The following LMO7 variants were observed in gnomAD, a reference collection of about 807,000 sequenced individuals.
The protein encoded by LMO7 is LIM domain 7.
A neutral mutation model predicts 206.5 loss-of-function variants in LMO7; 120 were observed. The ratio of observed to expected loss-of-function variants is 0.58; its 90% CI spans 0.50 to 0.68. The LOEUF (loss-of-function observed/expected upper bound fraction) is 0.68. Ranked by LOEUF, LMO7 falls within the 30% of genes least tolerant of loss-of-function variation. The probability of loss-of-function intolerance (pLI) is 0.00; values close to 1 mark genes in which losing one functional copy is unlikely to be tolerated. For synonymous variants in LMO7, 706 were observed against 681.5 expected, an observed-to-expected ratio of 1.04 and a Z score of -0.56; for missense variants, 1,959 against 1,957.9, an observed-to-expected ratio of 1.00 and a Z score of -0.01.
At chr13:75,848,431 T>TTATCTATCTATCTATCTATCTATC (rs139984746) in intron 26 of LMO7, among the ~76,000 whole-genome samples, 4 of 150,520 alleles carry the variant, frequency 2.7e-5, no homozygotes, top group Non-Finnish European at 4.4e-5. Flanking sequence ...TTCCATGCGA[T>TTATCTATCTATCTATCTATCTATC]TATCTATCTA....
intron 3 of LMO7, among the ~76,000 whole-genome samples, chr13:75,756,674 G>T (rs2047705064): frequency 6.6e-6 from 1 of 152,134 alleles, no homozygotes; most frequent in Non-Finnish European, 1.5e-5. Flanking sequence ...CTTAACACCT[G>T]TCACTCTATT....
At chr13:75,692,119 G>A (rs1213175849) in intron 1 of LMO7, among the ~76,000 whole-genome samples, 1 of 152,182 alleles carries the variant, frequency 6.6e-6, no homozygotes, top group East Asian at 1.9e-4. Flanking sequence ...GTCTGCACAA[G>A]CTGATACTAA....
At chr13:75,735,947 G>T (rs2045785216) in intron 3 of LMO7, among the ~76,000 whole-genome samples, 1 of 151,750 alleles carries the variant, frequency 6.6e-6, no homozygotes, top group South Asian at 2.1e-4. Flanking sequence ...GTCATTTCTT[G>T]GATCAATTAC....
At chr13:75,767,624 G>A (rs2049071815) in intron 4 of LMO7, among the ~76,000 whole-genome samples, 1 of 151,950 alleles carries the variant, frequency 6.6e-6, no homozygotes. Flanking sequence ...GAAAAACACT[G>A]GAAGGATCTG....
Position 75,807,616 on chromosome 13 carries a change from A to G in LMO7, c.1333A>G (p.Arg445Gly). 5 of 1,613,996 alleles carry G rather than the reference A, an allele frequency of 3.1e-6. No homozygotes were observed. The highest frequency in any genetic ancestry group is 4.2e-6 in the Non-Finnish European group (5 of 1,179,874). ...GAATCTCTCTTATGCACCAGGCTAT[A>G]GAAGAGATGACCTCGAGATGGCAGC... ...RKNLSYAPGY[R>G]RDDLEMAALD... The change falls in exon 10 of 31, where the codon AGA (arginine) becomes GGA (glycine). Residue 445 changes from arginine (R) to glycine (G), a missense_variant. Physicochemically the swap from Arg to Gly is moderately radical, Grantham distance 125. Transcript: ENST00000377534.
intron 19 of LMO7, among the ~76,000 whole-genome samples, chr13:75,836,788 C>G (rs112122757): frequency 6.6e-6 from 1 of 152,274 alleles, no homozygotes; most frequent in African/African-American, 2.4e-5. Flanking sequence ...CTTAGTTAAG[C>G]ATGAAACTAT....
chr13:75,672,890 T>C (rs1334885165), intron 1 of LMO7, among the ~76,000 whole-genome samples: 1 of 152,046 alleles, frequency 6.6e-6, no homozygotes, highest in African/African-American at 2.4e-5. Context: ...CTTATAGAAA[T>C]TGGCTCTTTG....
rs770333253 is a variant in LMO7 at position 75,807,506 on chromosome 13, A to G, written c.1223A>G (p.Gln408Arg). Residue 408 changes from glutamine (Q) to arginine (R), a missense_variant, in exon 10 of 31, where the codon CAA becomes CGA. Physicochemically the swap from Gln to Arg is conservative, Grantham distance 43. Coordinates refer to ENST00000377534, the MANE Select transcript of LMO7 (RefSeq NM_001306080.2). ...FSQFLLLQAL[Q>R]TYSDDILSSE... ...CAGTTTTTACTGCTTCAGGCCCTCCAAACATACTCTGATGACATCTTGTCT... is the reference window on the plus strand; with the variant it reads ...CAGTTTTTACTGCTTCAGGCCCTCCGAACATACTCTGATGACATCTTGTCT... 1 of 1,613,664 alleles carries G rather than the reference A, an allele frequency of 6.2e-7. No individual in the cohort carries two copies. The highest frequency in any genetic ancestry group is 8.5e-7 in the Non-Finnish European group (1 of 1,179,850).
intron 3 of LMO7, among the ~76,000 whole-genome samples, chr13:75,730,760 G>A (rs1316045004): frequency 7.8e-6 from 1 of 128,744 alleles, no homozygotes; most frequent in Non-Finnish European, 1.6e-5. Context: ...TCTCTTGTGG[G>A]CATTTAGTGC....
chr13:75,728,417 G>A (rs2044707144), intron 3 of LMO7, among the ~76,000 whole-genome samples: 1 of 152,082 alleles, frequency 6.6e-6, no homozygotes, highest in Non-Finnish European at 1.5e-5. Flanking sequence ...CTGCATAAAT[G>A]TCTTCTTTTG....
chr13:75,812,061 A>G (rs2056458944), intron 11 of LMO7, among the ~76,000 whole-genome samples: 1 of 152,166 alleles, frequency 6.6e-6, no homozygotes, highest in South Asian at 2.1e-4. Flanking sequence ...CCCAGGAGAC[A>G]TTTGGCAATG....
rs554241262 is a variant in LMO7, at chr13:75,732,601, G to A, written c.210+5503G>A. On this transcript the variant is annotated intron_variant, in intron 3 of 30. Coordinates refer to ENST00000377534, the MANE Select transcript of LMO7 (RefSeq NM_001306080.2). ...TCCTGTAGCTCGGAGTAGTTTGATT[G>A]TCTGAAGCCTTCTTCTCTCAACTCG... Among the ~76,000 whole-genome samples, 4 of 152,220 alleles carry A rather than the reference G, an allele frequency of 2.6e-5. No homozygotes were observed. In the South Asian group the frequency reaches 8.3e-4, roughly 32 times the overall value.
intron 4 of LMO7, among the ~76,000 whole-genome samples, chr13:75,784,666 A>G (rs1156948472): frequency 1.3e-5 from 2 of 152,158 alleles, no homozygotes. Context: ...TTTACAGAGA[A>G]CTTCCATGTA....
At chr13:75,733,296 A>G (rs1169159195) in intron 3 of LMO7, among the ~76,000 whole-genome samples, 1 of 152,122 alleles carries the variant, frequency 6.6e-6, no homozygotes, top group Admixed American at 6.5e-5. Context: ...GAGCTTCCCA[A>G]CTGCTTTGTT....
intron 6 of LMO7, among the ~76,000 whole-genome samples, chr13:75,799,226 T>G (rs2054424649): frequency 6.6e-6 from 1 of 152,248 alleles, no homozygotes; most frequent in Admixed American, 6.5e-5. Context: ...ATCAAAAGTA[T>G]GCCTGAGACA....
chr13:75,771,434 CT>C (rs1373144250), intron 4 of LMO7, among the ~76,000 whole-genome samples: 2 of 124,300 alleles, frequency 1.6e-5, no homozygotes, highest in Non-Finnish European at 3.5e-5. Context: ...ATGGAACATT[CT>C]TGTTAAGTGC....
In LMO7 at chr13:75,821,385, A is replaced by T. The variant is rs1045945381; in HGVS notation, c.2416A>T (p.Thr806Ser). 5.0e-6 allele frequency: 8 copies of T among 1,614,038 alleles called. No individual in the cohort carries two copies. Among genetic ancestry groups the T allele is most frequent in the African/African-American group, 2.7e-5 (2 of 74,946 alleles). ...TTTTGCAAAAAGAGAGGACCGTGTA[A>T]CAACTGAAATTCAGCTTCCTTCTCA... ...TTFAKREDRV[T>S]TEIQLPSQSP... is the part of the protein sequence containing the mutation. Residue 806 changes from threonine (T) to serine (S), a missense_variant, in exon 14 of 31, where the codon ACA (threonine) becomes TCA (serine). Transcript: ENST00000377534.
At chr13:75,817,938 A>G (rs2057211405) in intron 12 of LMO7, among the ~76,000 whole-genome samples, 1 of 152,206 alleles carries the variant, frequency 6.6e-6, no homozygotes, top group African/African-American at 2.4e-5. Context: ...AAAGAAATAC[A>G]GTAGACAAAC....
chr13:75,721,508 T>C (rs570663806), intron 2 of LMO7, among the ~76,000 whole-genome samples: 1 of 152,272 alleles, frequency 6.6e-6, no homozygotes, highest in South Asian at 2.1e-4. Flanking sequence ...AGAATTTGTG[T>C]TTAGAGGAAA....
Sources: allele counts gnomAD v4.1 joint callset (sites outside exome capture counted in the v4.1 genomes callset), GRCh38; gene constraint gnomAD v4.1.1; transcripts MANE v1.5; gene names NCBI Gene and HGNC (gene_info 2026-07-23, HGNC 2026-07-21).